The following TRRAP variants were observed in gnomAD, a reference collection of about 807,000 sequenced individuals.
The protein encoded by TRRAP is transformation/transcription domain-associated protein.
TRRAP carries 41 observed loss-of-function variants against 438.8 expected under a neutral mutation model. That is an observed-to-expected ratio of 0.09 (90% CI 0.07 to 0.12). The LOEUF is 0.12. TRRAP is among the 10% of genes least tolerant of loss of function. TRRAP has a pLI of 1.00. For missense variants in TRRAP, 3,122 were observed against 5,055.1 expected, an observed-to-expected ratio of 0.62 and a Z score of 11.60; for synonymous variants, 1,994 against 1,962.9, an observed-to-expected ratio of 1.02 and a Z score of -0.42.
At chr7:98,966,954 T>A (rs1280663398) in intron 49 of TRRAP, 87 bp from the exon 50 acceptor site, 1 of 1,410,130 alleles carries the variant, frequency 7.1e-7, no homozygotes, top group African/African-American at 1.4e-5. Context: ...TGTCTTATTG[T>A]GCTTGATAAA....
rs561058590 is a variant in TRRAP, at chr7:98,931,509, C to T, written c.3696C>T (p.Ala1232=). ...AGGAGAGAGCCGAAGAGATCGTGGCCGCCCAGGAAAAGTCTTTCCACCATG... is the reference window on the plus strand; with the variant it reads ...AGGAGAGAGCCGAAGAGATCGTGGCTGCCCAGGAAAAGTCTTTCCACCATG... ...KDEERAEEIV[A]AQEKSFHHVT... The change falls in exon 26 of 73, where the codon GCC becomes GCT. Residue 1232 remains alanine, a synonymous_variant. Coordinates refer to ENST00000456197, the MANE Select transcript of TRRAP (RefSeq NM_001375524.1). The T allele has an allele frequency of 8.1e-5, 131 of 1,614,084 alleles. 1 individual carries two copies. The highest frequency in any genetic ancestry group is 1.6e-4 in the Middle Eastern group (1 of 6,062).
rs1793449582 is a variant in TRRAP at position 98,991,988 on chromosome 7, C to T, written c.9757-149C>T. 8 of 785,866 alleles carry T rather than the reference C, an allele frequency of 1.0e-5. No individual in the cohort carries two copies. In the Admixed American group the frequency reaches 1.7e-4, roughly 17 times the overall value. 48.7% of individuals were successfully genotyped at this position (785,866 alleles called of 1,614,324 possible). On this transcript the variant is annotated intron_variant, in intron 64 of 72. Transcript: ENST00000456197. ...TGCTGTTGAACCTGGCCTTGTGCGT[C>T]AGATCAGTGCTGCAGTATTTGCTTC...
intron 10 of TRRAP, 83 bp from the exon 11 acceptor site, chr7:98,900,541 G>A (rs1796427034): frequency 8.4e-7 from 1 of 1,188,206 alleles, no homozygotes; most frequent in African/African-American, 1.5e-5. Flanking sequence ...AATCTTTTGG[G>A]TTTAGTAATG....
intron 70 of TRRAP, among the ~76,000 whole-genome samples, chr7:99,010,161 C>T (rs1794366654): frequency 6.6e-6 from 1 of 152,216 alleles, no homozygotes; most frequent in South Asian, 2.1e-4. Context: ...GCTGGGATTA[C>T]AGGCGTGAGC....
chr7:98,945,679 G>A lies in TRRAP; in HGVS notation c.4474-68G>A. On this transcript the variant is annotated intron_variant, in intron 31 of 72. Transcript: ENST00000456197. ...AACCCCAATAACCCTTACTGTGTTT[G>A]AGTATGTGGGAAGTTTTTATGTAAA... 3 of 1,569,534 alleles carry A rather than the reference G, an allele frequency of 1.9e-6. No homozygotes were observed. In the East Asian group the frequency reaches 6.7e-5, roughly 35 times the overall value.
chr7:98,992,184 G>C lies in TRRAP; in HGVS notation c.9804G>C (p.Leu3268=). Residue 3268 remains leucine (L), a synonymous_variant, in exon 65 of 73, where the codon CTG becomes CTC. Transcript: ENST00000456197. ...CGGTCTACTTTCCCATCCGGACCCT[G>C]TACCTGACCCTGAAAATAGAACAGC... ...PQAVYFPIRT[L]YLTLKIEQRE... The C allele has an allele frequency of 6.2e-7, 1 of 1,614,222 alleles. No individual in the cohort carries two copies. The highest frequency in any genetic ancestry group is 8.5e-7 in the Non-Finnish European group (1 of 1,180,044).
intron 67 of TRRAP, among the ~76,000 whole-genome samples, chr7:99,003,871 C>G (rs938117088): frequency 6.6e-6 from 1 of 152,178 alleles, no homozygotes; most frequent in Non-Finnish European, 1.5e-5. Context: ...CAAGACCAGC[C>G]TGGCCAACAT....
At position 98,882,483 on chromosome 7, in the gene TRRAP, C is replaced by T. The variant is rs188357104; in HGVS notation, c.150+459C>T. ...GTTCAAGCAATTCTCCTGACTCAGC[C>T]TTCAGGGTAGCTGAGACTATAGGTG... On this transcript the variant is annotated intron_variant, in intron 3 of 72. Coordinates refer to ENST00000456197, the MANE Select transcript of TRRAP (RefSeq NM_001375524.1). 2.1e-4 allele frequency among the ~76,000 whole-genome samples: 32 copies of T among 151,654 alleles called. No homozygotes were observed. The East Asian group carries it at 5.4e-3, about 26-fold the overall frequency.
intron 18 of TRRAP, among the ~76,000 whole-genome samples, chr7:98,912,941 G>A (rs1204284680): frequency 6.6e-6 from 1 of 152,170 alleles, no homozygotes; most frequent in African/African-American, 2.4e-5. Context: ...GTAACTGTGA[G>A]GGAGACGGAA....
In TRRAP at chr7:98,937,297, T is replaced by G. The variant is rs310736; in HGVS notation, c.4233+20T>G. On this transcript the variant is annotated intron_variant, in intron 29 of 72. Transcript: ENST00000456197. ...AGAAAGGTGAGTGTGTGTGCGTGCG[T>G]GTATGCGCACGCGTGTGTGCACACA... 6.2e-7 allele frequency: 1 copy of G among 1,604,756 alleles called. No homozygotes were observed. Among genetic ancestry groups the G allele is most frequent in the East Asian group, 2.2e-5 (1 of 44,716 alleles).
chr7:98,925,968 T>C (rs567392431), intron 22 of TRRAP, among the ~76,000 whole-genome samples: 52 of 152,224 alleles, frequency 3.4e-4, no homozygotes, highest in African/African-American at 1.2e-3. Flanking sequence ...GGTGTTAGGA[T>C]TATCAGAACT....
chr7:98,981,928 G>C lies in TRRAP; in HGVS notation c.8794G>C (p.Val2932Leu). 1 of 1,606,850 alleles carries C rather than the reference G, an allele frequency of 6.2e-7. No homozygotes were observed. Among genetic ancestry groups the C allele is most frequent in the Non-Finnish European group, 8.5e-7 (1 of 1,178,126 alleles). The change falls in exon 59 of 73, where the codon GTA becomes CTA. Residue 2932 changes from valine to leucine, a missense_variant. By Grantham distance (32) the Val-to-Leu change is conservative. This residue lies in a region of TRRAP where 992 missense variants were observed against 1,281.2 expected (regional missense o/e 0.77). Coordinates refer to ENST00000456197, the MANE Select transcript of TRRAP (RefSeq NM_001375524.1). Reference sequence around the variant, plus strand: ...CCGCGAGTGGCGGCGGCTGCCCCACGTAGTGTCCCACGTGCACACGCCTCT... The same window carrying C: ...CCGCGAGTGGCGGCGGCTGCCCCACCTAGTGTCCCACGTGCACACGCCTCT... ...AIREWRRLPH[V>L]VSHVHTPLLQ...
chr7:99,002,554 G>C (rs914542179), intron 67 of TRRAP, among the ~76,000 whole-genome samples: 8 of 152,226 alleles, frequency 5.3e-5, no homozygotes, highest in African/African-American at 1.9e-4. Context: ...GAGGTGGCCT[G>C]CGTCCTTGGT....
intron 62 of TRRAP, among the ~76,000 whole-genome samples, chr7:98,986,168 A>C (rs219802): frequency 0.15 from 22,637 of 152,056 alleles, 5,287 homozygotes; most frequent in African/African-American, 0.5. Context: ...ATATCCATAC[A>C]TTTTGTTTAT....
chr7:98,880,671 G>C (rs1265001998), intron 1 of TRRAP, among the ~76,000 whole-genome samples: 1 of 152,190 alleles, frequency 6.6e-6, no homozygotes, highest in Non-Finnish European at 1.5e-5. Context: ...ATGAAATTCA[G>C]ATTTCAGTGT....
chr7:98,885,888 C>G (rs897986164), intron 3 of TRRAP, among the ~76,000 whole-genome samples: 4 of 152,152 alleles, frequency 2.6e-5, no homozygotes, highest in African/African-American at 7.2e-5. Context: ...ATATCTGACC[C>G]TTTTGAGGTT....
At chr7:98,998,037 C>T (rs1298935410) in intron 67 of TRRAP, among the ~76,000 whole-genome samples, 1 of 152,188 alleles carries the variant, frequency 6.6e-6, no homozygotes, top group African/African-American at 2.4e-5. Flanking sequence ...ACTGACTTGG[C>T]AGAAACCTAG....
At position 98,989,050 on chromosome 7, in the gene TRRAP, C is replaced by T. The variant is rs886774254; in HGVS notation, c.9591+84C>T. ...GAAATTTAGCTATAGTTTACTCATC[C>T]GTGCCGGGTGTGAGGCATGATTTCA... On this transcript the variant is annotated intron_variant, in intron 63 of 72. Coordinates refer to ENST00000456197, the MANE Select transcript of TRRAP (RefSeq NM_001375524.1). The T allele has an allele frequency of 5.7e-5, 82 of 1,428,282 alleles. No homozygotes were observed. In the African/African-American group the frequency reaches 7.6e-4, roughly 13 times the overall value. The allele number at this position is 1,428,282 out of a possible 1,614,324, so 88.5% of individuals were successfully genotyped here.
At chr7:98,895,642 C>T (rs1382800019) in intron 6 of TRRAP, 122 bp from the exon 7 acceptor site, 16 of 679,448 alleles carry the variant, frequency 2.4e-5, no homozygotes, top group Non-Finnish European at 2.7e-5. Context: ...CTTGAGCCCA[C>T]CATTTTCCTT....
Sources: gnomAD v4.1 joint callset for allele counts (sites outside exome capture counted in the v4.1 genomes callset) on GRCh38, gnomAD v4.1.1 for gene constraint, gnomAD v4.1.1 regional missense constraint, MANE v1.5 for transcripts, NCBI Gene and HGNC (gene_info 2026-07-23, HGNC 2026-07-21) for gene names.